The following UST variants were observed in gnomAD, a reference collection of about 807,000 sequenced individuals.
UST encodes chondroitin sulfate 2-O-sulfotransferase.
In UST, 21 loss-of-function variants were observed where a neutral mutation model predicts 45.6. That is an observed-to-expected ratio of 0.46 (90% CI 0.33 to 0.66). UST has a LOEUF of 0.66. UST is among the 30% of genes least tolerant of loss of function. The pLI is 0.02. For synonymous variants in UST, 215 were observed against 200.6 expected, an observed-to-expected ratio of 1.07 and a Z score of -0.61; for missense variants, 463 against 512.4, an observed-to-expected ratio of 0.90 and a Z score of 0.93.
chr6:148,851,185 A>G (rs537924201), intron 1 of UST, among the ~76,000 whole-genome samples: 24 of 152,272 alleles, frequency 1.6e-4, no homozygotes, highest in Non-Finnish European at 3.1e-4. Context: ...GGCTATTGTC[A>G]TGGACTTTTA....
intron 5 of UST, among the ~76,000 whole-genome samples, chr6:148,988,013 A>T (rs922993701): frequency 1.2e-4 from 19 of 152,042 alleles, no homozygotes; most frequent in African/African-American, 4.3e-4. Context: ...TCAGAGCTTT[A>T]TCTAGGAGCA....
chr6:148,801,355 A>G (rs542047798), intron 1 of UST, among the ~76,000 whole-genome samples: 2 of 152,320 alleles, frequency 1.3e-5, no homozygotes, highest in Non-Finnish European at 2.9e-5. Flanking sequence ...CAAGTGCTCC[A>G]GGACATCTTT....
chr6:148,955,290 G>A (rs959758261), intron 4 of UST, among the ~76,000 whole-genome samples: 3 of 152,232 alleles, frequency 2.0e-5, no homozygotes, highest in African/African-American at 7.2e-5. Flanking sequence ...CCACCTGGCT[G>A]GAAGAAGATT....
At chr6:148,765,650 T>TGA (rs926985760) in intron 1 of UST, among the ~76,000 whole-genome samples, 2 of 152,202 alleles carry the variant, frequency 1.3e-5, no homozygotes, top group African/African-American at 4.8e-5. Flanking sequence ...TAGGAAATCA[T>TGA]GAGAGTATTG....
intron 5 of UST, among the ~76,000 whole-genome samples, chr6:148,997,091 G>A (rs953688682): frequency 5.3e-5 from 8 of 152,104 alleles, no homozygotes; most frequent in South Asian, 2.1e-4. Flanking sequence ...TGGAGTCCCC[G>A]TGTCTGTTCT....
chr6:148,910,228 C>T lies in UST; in HGVS notation c.291+23199C>T, dbSNP rs1204674701. On this transcript the variant is annotated intron_variant, in intron 2 of 7. Coordinates refer to ENST00000367463, the MANE Select transcript of UST (RefSeq NM_005715.3). The stretch of plus-strand genomic sequence containing the variant: ...CGATCTTGGCTCACCACAACCTCCG[C>T]CTCCTGGGTTCAAACGATTCTTCTG... 2.0e-5 allele frequency among the ~76,000 whole-genome samples: 3 copies of T among 151,548 alleles called. No homozygotes were observed. In the East Asian group the frequency reaches 5.8e-4, roughly 29 times the overall value.
At position 148,763,572 on chromosome 6, in the gene UST, C is replaced by T. The variant is rs543344222; in HGVS notation, c.247+15895C>T. 3.3e-5 allele frequency among the ~76,000 whole-genome samples: 5 copies of T among 152,088 alleles called. No individual in the cohort carries two copies. The East Asian group carries it at 7.7e-4, about 23-fold the overall frequency. ...ATTGCTTAGCCATATATTCTTTGCC[C>T]AGGCCAATGTTCAGAAGAGTTTTTC... On this transcript the variant is annotated intron_variant, in intron 1 of 7. Coordinates refer to ENST00000367463, the MANE Select transcript of UST (RefSeq NM_005715.3).
intron 1 of UST, among the ~76,000 whole-genome samples, chr6:148,801,216 G>A (rs1411654456): frequency 3.9e-5 from 6 of 152,094 alleles, no homozygotes; most frequent in African/African-American, 1.4e-4. Flanking sequence ...TCCCCCAGAG[G>A]TATTTTATAG....
chr6:148,917,053 GAGTGAAGAA>G, intron 2 of UST, among the ~76,000 whole-genome samples: 1 of 152,308 alleles, frequency 6.6e-6, no homozygotes, highest in South Asian at 2.1e-4. Context: ...GAGGAGAAAG[GAGTGAAGAA>G]AGGGAAGAGG....
chr6:149,066,001 G>A (rs1474547899), intron 7 of UST, among the ~76,000 whole-genome samples: 3 of 152,224 alleles, frequency 2.0e-5, no homozygotes, highest in African/African-American at 2.4e-5. Context: ...GAAGGGAAGA[G>A]GCTGGAACAG....
chr6:148,886,211 G>A (rs550275175), intron 1 of UST, among the ~76,000 whole-genome samples: 2 of 152,348 alleles, frequency 1.3e-5, no homozygotes, highest in African/African-American at 4.8e-5. Flanking sequence ...TTTACCAGCT[G>A]TGTGACTGTG....
At chr6:148,805,412 A>G (rs1777128888) in intron 1 of UST, among the ~76,000 whole-genome samples, 1 of 152,184 alleles carries the variant, frequency 6.6e-6, no homozygotes, top group Non-Finnish European at 1.5e-5. Flanking sequence ...AAAGCCTGAG[A>G]TGTTGGAAAA....
intron 1 of UST, among the ~76,000 whole-genome samples, chr6:148,878,080 G>A (rs1316683968): frequency 8.1e-6 from 1 of 123,242 alleles, no homozygotes; most frequent in African/African-American, 3.2e-5. Flanking sequence ...TATCGTGTAT[G>A]AGTGCGGGGG....
rs564074510 is a variant in UST, at chr6:149,074,594, G to A, written c.*478G>A. 1 of 161,708 alleles carries A rather than the reference G, an allele frequency of 6.2e-6. No individual in the cohort carries two copies. The highest frequency in any genetic ancestry group is 1.4e-5 in the Non-Finnish European group (1 of 73,544). 10.0% of individuals were successfully genotyped at this position (161,708 alleles called of 1,614,324 possible). Reference sequence around the variant, plus strand: ...GACAGATTAGGACATCGAAAAGGAGGATGGAGCCAGGTGCCATGGCTTGAG... The same window carrying A: ...GACAGATTAGGACATCGAAAAGGAGAATGGAGCCAGGTGCCATGGCTTGAG... On this transcript the variant is annotated 3_prime_UTR_variant, in exon 8 of 8. Transcript: ENST00000367463.
chr6:149,063,328 T>G (rs1427196224), intron 7 of UST, among the ~76,000 whole-genome samples: 1 of 152,218 alleles, frequency 6.6e-6, no homozygotes, highest in Admixed American at 6.5e-5. Context: ...AAATTTTCAA[T>G]AGTTATCATA....
chr6:148,980,157 C>T (rs1342546695), intron 5 of UST, among the ~76,000 whole-genome samples: 1 of 152,086 alleles, frequency 6.6e-6, no homozygotes, highest in Non-Finnish European at 1.5e-5. Context: ...CTATTTTTGT[C>T]CAATATGATT....
At chr6:148,943,079 A>T (rs560870607) in intron 3 of UST, among the ~76,000 whole-genome samples, 1 of 152,350 alleles carries the variant, frequency 6.6e-6, no homozygotes, top group South Asian at 2.1e-4. Flanking sequence ...TAATGTGATT[A>T]GGCTGGTGAT....
chr6:148,963,985 C>T (rs186766997), intron 4 of UST, among the ~76,000 whole-genome samples: 1 of 152,296 alleles, frequency 6.6e-6, no homozygotes, highest in East Asian at 1.9e-4. Context: ...CAGTCAGAAC[C>T]TACCAATCAA....
At chr6:148,865,549 G>GAA (rs1309617373) in intron 1 of UST, among the ~76,000 whole-genome samples, 3 of 151,986 alleles carry the variant, frequency 2.0e-5, no homozygotes, top group Non-Finnish European at 2.9e-5. Flanking sequence ...GAGAGAGAGA[G>GAA]AAAACACCTG....
Sources: gnomAD v4.1 joint callset for allele counts (sites outside exome capture counted in the v4.1 genomes callset) on GRCh38, gnomAD v4.1.1 for gene constraint, MANE v1.5 for transcripts, NCBI Gene and HGNC (gene_info 2026-07-23, HGNC 2026-07-21) for gene names.